The following CGNL1 variants were observed in gnomAD, a reference collection of about 807,000 sequenced individuals.
The protein encoded by CGNL1 is cingulin-like protein 1.
CGNL1 carries 132 observed loss-of-function variants against 141.2 expected under a neutral mutation model. The ratio of observed to expected loss-of-function variants is 0.93; its 90% confidence interval spans 0.81 to 1.08. CGNL1 has a LOEUF of 1.08. CGNL1 is among the 50% of genes least tolerant of loss of function. CGNL1 has a pLI of 0.00. For missense variants in CGNL1, 1,870 were observed against 1,588.6 expected (o/e 1.18, Z -3.01); for synonymous variants, 690 against 622.1 (o/e 1.11, Z -1.63).
intron 14 of CGNL1, among the ~76,000 whole-genome samples, chr15:57,542,494 C>T (rs968678686): frequency 3.9e-5 from 6 of 152,170 alleles, no homozygotes; most frequent in African/African-American, 1.4e-4. Flanking sequence ...GATGGTCAGG[C>T]GATGGGATTT....
chr15:57,438,625 C>T lies in CGNL1; in HGVS notation c.626C>T (p.Ala209Val), dbSNP rs745774321. The T allele has an allele frequency of 1.9e-6, 3 of 1,613,994 alleles. No homozygotes were observed. The African/African-American group carries it at 4.0e-5, about 22-fold the overall frequency. Residue 209 changes from alanine (A) to valine (V), a missense_variant, in exon 2 of 19, where the codon GCC becomes GTC. Physicochemically the swap from Ala to Val is moderately conservative, Grantham distance 64. Transcript: ENST00000281282. ...QPTSPSLEDP[A>V]KSGVTAIRLC... The stretch of plus-strand genomic sequence containing the variant: ...ACCAGTCCCTCCTTGGAAGACCCGG[C>T]CAAATCTGGTGTGACAGCTATTCGT...
chr15:57,545,202 G>A (rs1486394424), intron 16 of CGNL1, among the ~76,000 whole-genome samples: 1 of 152,208 alleles, frequency 6.6e-6, no homozygotes, highest in Non-Finnish European at 1.5e-5. Flanking sequence ...AAGGAGCGTG[G>A]TGTGCCGGCA....
At chr15:57,460,533 G>T (rs979873874) in intron 7 of CGNL1, among the ~76,000 whole-genome samples, 5 of 152,172 alleles carry the variant, frequency 3.3e-5, no homozygotes, top group Non-Finnish European at 7.3e-5. Context: ...AACAAAGGAG[G>T]TTTAATTGAC....
intron 14 of CGNL1, among the ~76,000 whole-genome samples, chr15:57,534,045 G>C (rs932523330): frequency 6.6e-6 from 1 of 152,196 alleles, no homozygotes; most frequent in Non-Finnish European, 1.5e-5. Flanking sequence ...ATTGATCCAG[G>C]TGATCTCTGA....
intron 8 of CGNL1, among the ~76,000 whole-genome samples, chr15:57,487,284 T>C (rs561636838): frequency 6.6e-6 from 1 of 152,360 alleles, no homozygotes; most frequent in South Asian, 2.1e-4. Context: ...ACTTTTTCTT[T>C]CTTTTCTTGA....
intron 18 of CGNL1, 29 bp downstream of exon 18, chr15:57,546,268 C>T (rs755440380): frequency 1.0e-5 from 16 of 1,540,754 alleles, no homozygotes; most frequent in Middle Eastern, 2.1e-4. Context: ...CACAGAGGGC[C>T]GGGTAATCTC....
rs114896191 is a variant in CGNL1 at position 57,434,025 on chromosome 15, C to T, written c.-15-3960C>T. ...TTGGTCCTTCATTCTTAAATAGGATCAGGCAGTCAGGGTTCATCAGGTGTA... is the reference window on the plus strand; with the variant it reads ...TTGGTCCTTCATTCTTAAATAGGATTAGGCAGTCAGGGTTCATCAGGTGTA... On this transcript the variant is annotated intron_variant, in intron 1 of 18. Transcript: ENST00000281282. Among the ~76,000 whole-genome samples the T allele has an allele frequency of 7.7e-3, 1,075 of 138,770 alleles. 15 individuals carry two copies. Among genetic ancestry groups the T allele is most frequent in the African/African-American group, 0.026 (999 of 37,794 alleles). 91.0% of individuals were successfully genotyped at this position (138,770 alleles called of 152,430 possible). A position where few individuals can be genotyped will look rare whatever the true frequency, so the allele number is the denominator to read the frequency against.
At chr15:57,503,525 G>C (rs559875086) in intron 8 of CGNL1, among the ~76,000 whole-genome samples, 20 of 152,322 alleles carry the variant, frequency 1.3e-4, no homozygotes, top group African/African-American at 4.6e-4. Flanking sequence ...TGTGGGGCAG[G>C]TGTTGCAGCT....
chr15:57,476,143 G>T (rs922522275), intron 8 of CGNL1, among the ~76,000 whole-genome samples: 1 of 152,128 alleles, frequency 6.6e-6, no homozygotes, highest in Non-Finnish European at 1.5e-5. Context: ...TTCGGTGTGG[G>T]GCATGAGAAG....
intron 1 of CGNL1, among the ~76,000 whole-genome samples, chr15:57,408,236 C>T (rs1431120596): frequency 3.3e-5 from 5 of 151,976 alleles, no homozygotes; most frequent in South Asian, 2.1e-4. Flanking sequence ...CAGGGCACAC[C>T]GTTATGTTTA....
At chr15:57,524,784 C>G in intron 12 of CGNL1, 33 bp downstream of exon 12, 1 of 1,603,802 alleles carries the variant, frequency 6.2e-7, no homozygotes, top group South Asian at 1.1e-5. Context: ...CTTCCTTTAT[C>G]CCTTATTCAA....
chr15:57,524,985 T>C (rs2031523321), intron 12 of CGNL1, among the ~76,000 whole-genome samples: 1 of 152,200 alleles, frequency 6.6e-6, no homozygotes, highest in South Asian at 2.1e-4. Context: ...ATTTTCTTGA[T>C]GAATCTATAA....
rs543527401 is a variant in CGNL1, at chr15:57,502,460, A to G, written c.2404-14320A>G. 2.6e-4 allele frequency among the ~76,000 whole-genome samples: 39 copies of G among 152,316 alleles called. 1 individual carries two copies. In the South Asian group the frequency reaches 7.7e-3, roughly 30 times the overall value. On this transcript the variant is annotated intron_variant, in intron 8 of 18. Transcript: ENST00000281282. Reference sequence around the variant, plus strand: ...GTTAGAAATTCAAATTAGGGTTTCAACCTGAGAAAGTTGGTGTCTTAAATA... The same window carrying G: ...GTTAGAAATTCAAATTAGGGTTTCAGCCTGAGAAAGTTGGTGTCTTAAATA...
rs768125653 is a variant in CGNL1 at position 57,438,755 on chromosome 15, T to C, written c.756T>C (p.Thr252=). The C allele has an allele frequency of 6.2e-7, 1 of 1,614,140 alleles. No homozygotes were observed. Among genetic ancestry groups the C allele is most frequent in the Non-Finnish European group, 8.5e-7 (1 of 1,180,014 alleles). Residue 252 remains threonine (T), a synonymous_variant, in exon 2 of 19, where the codon ACT becomes ACC. Transcript: ENST00000281282. ...GGGTGGGAGAGGAGGCCCTTTTCAC[T>C]AGCGGGAGGCCCCTGACTGCCCACA... The part of the protein sequence containing the change: ...KERVGEEALF[T]SGRPLTAHSP...
intron 1 of CGNL1, among the ~76,000 whole-genome samples, chr15:57,405,390 C>T (rs546471694): frequency 2.0e-5 from 3 of 152,200 alleles, no homozygotes; most frequent in Non-Finnish European, 2.9e-5. Flanking sequence ...TCTGGGCTAC[C>T]CTTAGGTGCT....
At chr15:57,435,328 A>G (rs760915338) in intron 1 of CGNL1, among the ~76,000 whole-genome samples, 2 of 152,018 alleles carry the variant, frequency 1.3e-5, no homozygotes, top group Non-Finnish European at 2.9e-5. Flanking sequence ...TGTAGAACCA[A>G]TAAGTTAAGG....
intron 8 of CGNL1, among the ~76,000 whole-genome samples, chr15:57,501,567 C>A (rs1994887): frequency 0.23 from 35,081 of 151,970 alleles, 4,464 homozygotes; most frequent in Non-Finnish European, 0.27. Context: ...GAGGTGGAGA[C>A]GGGGTGTTGG....
intron 1 of CGNL1, among the ~76,000 whole-genome samples, chr15:57,390,168 G>A (rs1389919917): frequency 2.0e-5 from 3 of 152,194 alleles, no homozygotes; most frequent in Non-Finnish European, 4.4e-5. Context: ...TCGCTCAGCT[G>A]TTGGTTGGGT....
chr15:57,412,677 T>C (rs1211105766), intron 1 of CGNL1, among the ~76,000 whole-genome samples: 1 of 152,182 alleles, frequency 6.6e-6, no homozygotes, highest in Non-Finnish European at 1.5e-5. Context: ...TCGATTGAAG[T>C]GGAGTTTGTG....
Sources: allele counts gnomAD v4.1 joint callset (sites outside exome capture counted in the v4.1 genomes callset), GRCh38; gene constraint gnomAD v4.1.1; transcripts MANE v1.5; gene names NCBI Gene and HGNC (gene_info 2026-07-23, HGNC 2026-07-21).